RNF217: variants seen among roughly 807,000 people sequenced by gnomAD.
RNF217 encodes the protein ring finger protein 217, also known as E3 ubiquitin-protein ligase RNF217.
RNF217 carries 31 observed loss-of-function variants against 57.8 expected under a neutral mutation model. The observed-to-expected ratio is 0.54, with a 90% CI of 0.40 to 0.72. The LOEUF (loss-of-function observed/expected upper bound fraction) is 0.72, where lower values mean the gene tolerates loss of function less well. RNF217 is among the 30% of genes least tolerant of loss of function. The pLI is 0.00. For synonymous variants in RNF217, 313 were observed against 294.0 expected, an observed-to-expected ratio of 1.06 and a Z score of -0.66; for missense variants, 696 against 708.3, an observed-to-expected ratio of 0.98 and a Z score of 0.20.
intron 1 of RNF217, chr6:125,009,382 C>G (rs191112595): frequency 2.8e-6 from 2 of 726,336 alleles, no homozygotes; most frequent in East Asian, 5.1e-5. Flanking sequence ...AGACATAGAG[C>G]CTGGAAGAGT....
intron 1 of RNF217, among the ~76,000 whole-genome samples, chr6:125,036,718 C>T (rs537500086): frequency 1.3e-5 from 2 of 152,074 alleles, no homozygotes; most frequent in South Asian, 2.1e-4. Flanking sequence ...TGAACAGACA[C>T]TTCTCAAAAG....
At chr6:125,060,356 TACACAC>T (rs71706851) in intron 3 of RNF217, among the ~76,000 whole-genome samples, 6 of 150,122 alleles carry the variant, frequency 4.0e-5, no homozygotes, top group Admixed American at 6.7e-5. Context: ...TATATGTGTA[TACACAC>T]ACACACACAC....
At chr6:125,007,282 G>A (rs532496282) in intron 1 of RNF217, among the ~76,000 whole-genome samples, 1 of 137,254 alleles carries the variant, frequency 7.3e-6, no homozygotes, top group South Asian at 2.3e-4. Flanking sequence ...TTTCCCTCTT[G>A]TTGCCCAGGC....
chr6:124,971,586 G>A (rs1783762902), intron 1 of RNF217: 1 of 231,662 alleles, frequency 4.3e-6, no homozygotes, highest in African/African-American at 2.3e-5. Context: ...CTTCCGAGTA[G>A]TTGGGACTAC....
chr6:125,015,002 G>T (rs1457902860), intron 1 of RNF217, among the ~76,000 whole-genome samples: 1 of 152,070 alleles, frequency 6.6e-6, no homozygotes, highest in Non-Finnish European at 1.5e-5. Flanking sequence ...TTAAATATGT[G>T]TTTTTATTTT....
At chr6:125,022,113 C>G (rs946417777) in intron 1 of RNF217, among the ~76,000 whole-genome samples, 1 of 152,030 alleles carries the variant, frequency 6.6e-6, no homozygotes, top group Non-Finnish European at 1.5e-5. Context: ...GAACTCCTTA[C>G]CTTAGGTGAC....
chr6:125,000,975 A>G (rs1784957975), intron 1 of RNF217, among the ~76,000 whole-genome samples: 2 of 152,204 alleles, frequency 1.3e-5, no homozygotes, highest in Admixed American at 6.5e-5. Flanking sequence ...TCAATTACAT[A>G]TAGTGAAAAC....
At chr6:125,057,862 T>TC in intron 2 of RNF217, 80 bp from the exon 3 acceptor site, 1 of 1,248,764 alleles carries the variant, frequency 8.0e-7, no homozygotes, top group Non-Finnish European at 1.1e-6. Context: ...TTAGCTAATT[T>TC]CCCCAAGCAT....
At chr6:125,047,019 T>C (rs1787122515) in intron 2 of RNF217, among the ~76,000 whole-genome samples, 1 of 152,228 alleles carries the variant, frequency 6.6e-6, no homozygotes, top group East Asian at 1.9e-4. Context: ...AGAATACTTT[T>C]ATTTCATGCT....
At chr6:125,065,239 C>A (rs962958776) in intron 3 of RNF217, among the ~76,000 whole-genome samples, 2 of 145,096 alleles carry the variant, frequency 1.4e-5, no homozygotes, top group Admixed American at 1.4e-4. Context: ...TGCAGTGAGC[C>A]GAGATGACGC....
chr6:124,998,142 GCATTTT>G, intron 1 of RNF217, among the ~76,000 whole-genome samples: 1 of 152,090 alleles, frequency 6.6e-6, no homozygotes, highest in Admixed American at 6.6e-5. Flanking sequence ...TCAGCTCTGG[GCATTTT>G]CATTCTCCCA....
chr6:125,013,095 A>G (rs888536746), intron 1 of RNF217, among the ~76,000 whole-genome samples: 8 of 152,072 alleles, frequency 5.3e-5, no homozygotes, highest in Non-Finnish European at 1.2e-4. Flanking sequence ...ATTTTTTTTC[A>G]TTGTTTCAGT....
intron 1 of RNF217, among the ~76,000 whole-genome samples, chr6:125,005,469 A>G (rs1785146004): frequency 6.6e-6 from 1 of 152,234 alleles, no homozygotes; most frequent in Non-Finnish European, 1.5e-5. Context: ...TTTGCAGGCA[A>G]GAGAATAAAC....
intron 1 of RNF217, among the ~76,000 whole-genome samples, chr6:125,020,593 G>A (rs1336416523): frequency 6.6e-6 from 1 of 151,672 alleles, no homozygotes; most frequent in African/African-American, 2.4e-5. Flanking sequence ...CCTGCTTTCT[G>A]ATGTTAATTA....
intron 2 of RNF217, among the ~76,000 whole-genome samples, chr6:125,054,457 G>A (rs1383058388): frequency 2.0e-5 from 3 of 152,162 alleles, no homozygotes; most frequent in Non-Finnish European, 4.4e-5. Context: ...AGAAGTCAAT[G>A]TCTGTGTCCT....
At chr6:125,041,368 G>T (rs1478136234) in intron 1 of RNF217, among the ~76,000 whole-genome samples, 1 of 151,990 alleles carries the variant, frequency 6.6e-6, no homozygotes. Flanking sequence ...TTATTCCTCT[G>T]CAGTCTGTTC....
chr6:124,999,056 A>G (rs1286107450), intron 1 of RNF217, among the ~76,000 whole-genome samples: 4 of 152,206 alleles, frequency 2.6e-5, no homozygotes, highest in African/African-American at 9.6e-5. Flanking sequence ...TTATAGCAGT[A>G]TTTGACATAA....
intron 1 of RNF217, among the ~76,000 whole-genome samples, chr6:124,970,170 T>G (rs754133359): frequency 1.3e-5 from 2 of 152,186 alleles, no homozygotes; most frequent in Non-Finnish European, 2.9e-5. Flanking sequence ...AAGAAGATAC[T>G]GAGCAACAGA....
At chr6:125,062,974 T>C (rs942340898) in intron 3 of RNF217, among the ~76,000 whole-genome samples, 1 of 152,232 alleles carries the variant, frequency 6.6e-6, no homozygotes, top group Non-Finnish European at 1.5e-5. Context: ...ATGGAAAATA[T>C]GTGCTAATTT....
Sources: allele counts gnomAD v4.1 joint callset (sites outside exome capture counted in the v4.1 genomes callset), GRCh38; gene constraint gnomAD v4.1.1; transcripts MANE v1.5; gene names NCBI Gene and HGNC (gene_info 2026-07-23, HGNC 2026-07-21).